The following RABGEF1 variants were observed in gnomAD, a reference collection of about 807,000 sequenced individuals.
The protein encoded by RABGEF1 is RAB guanine nucleotide exchange factor 1.
In RABGEF1, 26 loss-of-function variants were observed where a neutral mutation model predicts 57.3. The observed-to-expected ratio is 0.45, with a 90% CI of 0.33 to 0.63. The LOEUF is 0.63. Among genes scored for constraint, RABGEF1 ranks in the 20% least tolerant of loss-of-function variants. RABGEF1 has a pLI of 0.02. For missense variants in RABGEF1, 464 were observed against 607.6 expected, an observed-to-expected ratio of 0.76 and a Z score of 2.48; for synonymous variants, 185 against 210.7, an observed-to-expected ratio of 0.88 and a Z score of 1.06.
intron 1 of RABGEF1, among the ~76,000 whole-genome samples, chr7:66,695,378 G>A (rs1792165591): frequency 6.6e-6 from 1 of 152,184 alleles, no homozygotes; most frequent in Non-Finnish European, 1.5e-5. Flanking sequence ...GAAAGGGATG[G>A]GCAAGAGGAG....
At chr7:66,670,281 C>T in the RABGEF1 span, among the ~76,000 whole-genome samples, 1 of 152,022 alleles carries the variant, frequency 6.6e-6, no homozygotes. Flanking sequence ...CCACTGGTCC[C>T]TTCTCATACT....
chr7:66,806,885 C>G (rs938346987), intron 8 of RABGEF1, among the ~76,000 whole-genome samples: 1 of 152,130 alleles, frequency 6.6e-6, no homozygotes, highest in Non-Finnish European at 1.5e-5. Context: ...CTCAAGCAAT[C>G]CACCCACCTC....
At chr7:66,708,419 C>G (rs1265509509) in intron 1 of RABGEF1, among the ~76,000 whole-genome samples, 1 of 152,072 alleles carries the variant, frequency 6.6e-6, no homozygotes, top group Non-Finnish European at 1.5e-5. Context: ...TCCCAAGTAG[C>G]TGGGATTCTA....
intron 2 of RABGEF1, among the ~76,000 whole-genome samples, chr7:66,720,267 G>C (rs187272835): frequency 2.7e-5 from 4 of 148,264 alleles, no homozygotes; most frequent in Non-Finnish European, 4.5e-5. Flanking sequence ...GCGCGATCTC[G>C]GCTCACTGTA....
intron 1 of RABGEF1, among the ~76,000 whole-genome samples, chr7:66,686,388 C>T (rs955183559): frequency 1.3e-5 from 2 of 152,084 alleles, no homozygotes; most frequent in African/African-American, 4.8e-5. Flanking sequence ...GGGAGGATCG[C>T]TTGAGTCCGG....
At chr7:66,709,059 C>T (rs891232419) in intron 1 of RABGEF1, among the ~76,000 whole-genome samples, 4 of 151,302 alleles carry the variant, frequency 2.6e-5, no homozygotes, top group Admixed American at 2.6e-4. Flanking sequence ...CTCATGTCGC[C>T]CAGGCTAGAG....
At chr7:66,695,566 G>A (rs773652871) in intron 1 of RABGEF1, among the ~76,000 whole-genome samples, 7 of 152,118 alleles carry the variant, frequency 4.6e-5, no homozygotes, top group Non-Finnish European at 7.4e-5. Flanking sequence ...GGGGACAAAA[G>A]CCAGGCTGGA....
Position 66,771,852 on chromosome 7 carries a change from C to G in RABGEF1, c.-17-31C>G, listed in dbSNP as rs750015887. On this transcript the variant is annotated intron_variant, in intron 1 of 8. Transcript: ENST00000284957. ...GATTTTATTTAGTAGAATGATAATT[C>G]ATTTTCAACAGCACTTTCTTGTTTG... 7 of 1,355,082 alleles carry G rather than the reference C, an allele frequency of 5.2e-6. No individual in the cohort carries two copies. In the South Asian group the frequency reaches 1.3e-4, roughly 26 times the overall value. 83.9% of individuals were successfully genotyped at this position (1,355,082 alleles called of 1,614,324 possible).
At chr7:66,662,774 CGT>C in the RABGEF1 span, among the ~76,000 whole-genome samples, 2 of 147,626 alleles carry the variant, frequency 1.4e-5, no homozygotes, top group African/African-American at 5.2e-5. Flanking sequence ...TATGTACAGC[CGT>C]GTGTGCACGC....
chr7:66,799,494 T>C (rs749060781), intron 7 of RABGEF1, 80 bp downstream of exon 7: 1 of 1,168,766 alleles, frequency 8.6e-7, no homozygotes, highest in Non-Finnish European at 1.2e-6. Context: ...ATCTATACAT[T>C]TGTAAAATGC....
At chr7:66,735,284 G>A (rs1585028199) in intron 2 of RABGEF1, among the ~76,000 whole-genome samples, 2 of 152,094 alleles carry the variant, frequency 1.3e-5, no homozygotes, top group African/African-American at 4.8e-5. Flanking sequence ...TATTCCAACC[G>A]TGTGTATCCC....
chr7:66,660,751 T>G, the RABGEF1 span, among the ~76,000 whole-genome samples: 177 of 152,342 alleles, frequency 1.2e-3, 2 homozygotes, highest in African/African-American at 3.9e-3. Flanking sequence ...CTACCAGACA[T>G]TTAACGAAAA....
intron 1 of RABGEF1, among the ~76,000 whole-genome samples, chr7:66,685,348 T>C (rs1455803441): frequency 6.6e-6 from 1 of 152,056 alleles, no homozygotes; most frequent in Non-Finnish European, 1.5e-5. Flanking sequence ...TTTAATCTTC[T>C]CTGCTCTTTA....
chr7:66,726,578 G>C (rs2117583566), intron 2 of RABGEF1, among the ~76,000 whole-genome samples: 1 of 152,150 alleles, frequency 6.6e-6, no homozygotes, highest in South Asian at 2.1e-4. Flanking sequence ...TGCCCAGGCT[G>C]GTCTGAAACT....
At chr7:66,697,535 G>A (rs1000789687) in intron 1 of RABGEF1, among the ~76,000 whole-genome samples, 19 of 152,028 alleles carry the variant, frequency 1.2e-4, no homozygotes, top group African/African-American at 4.3e-4. Flanking sequence ...GGCCAGCCTC[G>A]AACACATCCC....
intron 3 of RABGEF1, among the ~76,000 whole-genome samples, chr7:66,780,766 G>T (rs938116627): frequency 6.6e-6 from 1 of 152,170 alleles, no homozygotes; most frequent in African/African-American, 2.4e-5. Flanking sequence ...CTCGAAGAAT[G>T]AACCTCTTTT....
At chr7:66,757,760 T>C (rs1438248266) in intron 1 of RABGEF1, among the ~76,000 whole-genome samples, 2 of 152,126 alleles carry the variant, frequency 1.3e-5, no homozygotes, top group Admixed American at 6.5e-5. Context: ...TACAGGCGCC[T>C]GCCACCATGC....
chr7:66,762,084 A>G (rs1804536995), intron 1 of RABGEF1, among the ~76,000 whole-genome samples: 1 of 147,606 alleles, frequency 6.8e-6, no homozygotes, highest in East Asian at 2.3e-4. Flanking sequence ...AAACAAAAAC[A>G]TAAAATCCTA....
intron 1 of RABGEF1, among the ~76,000 whole-genome samples, chr7:66,744,502 A>G (rs1729078619): frequency 6.6e-6 from 1 of 151,772 alleles, no homozygotes; most frequent in African/African-American, 2.4e-5. Flanking sequence ...CCCTGTCTCT[A>G]CTAAAAATAC....
Sources: gnomAD v4.1 joint callset for allele counts (sites outside exome capture counted in the v4.1 genomes callset) on GRCh38, gnomAD v4.1.1 for gene constraint, MANE v1.5 for transcripts, NCBI Gene and HGNC (gene_info 2026-07-23, HGNC 2026-07-21) for gene names.